GHR: variants seen among roughly 807,000 people sequenced by gnomAD.
The protein encoded by GHR is GH receptor.
A neutral mutation model predicts 67.1 loss-of-function variants in GHR; 35 were observed. The observed-to-expected ratio is 0.52, with a 90% CI of 0.40 to 0.69. The LOEUF is 0.69. Among genes scored for constraint, GHR ranks in the 30% least tolerant of loss-of-function variants. GHR has a pLI of 0.00. For missense variants in GHR, 792 were observed against 764.6 expected (o/e 1.04, Z -0.42); for synonymous variants, 272 against 269.1 (o/e 1.01, Z -0.10).
intron 5 of GHR, among the ~76,000 whole-genome samples, chr5:42,696,602 A>G (rs963229175): frequency 2.0e-5 from 3 of 152,194 alleles, no homozygotes; most frequent in African/African-American, 7.2e-5. Context: ...TAGTCCCAAC[A>G]TGTTCAGGGA....
At chr5:42,602,160 G>A (rs186684607) in intron 2 of GHR, among the ~76,000 whole-genome samples, 8 of 152,154 alleles carry the variant, frequency 5.3e-5, no homozygotes, top group African/African-American at 1.7e-4. Flanking sequence ...TATCTTTTGC[G>A]TGTATGTGTG....
intron 1 of GHR, among the ~76,000 whole-genome samples, chr5:42,471,092 C>T (rs536595225): frequency 5.9e-4 from 90 of 152,322 alleles, no homozygotes; most frequent in African/African-American, 2.1e-3. Flanking sequence ...CTGTCTTCAG[C>T]TGGGCCAGCA....
intron 2 of GHR, among the ~76,000 whole-genome samples, chr5:42,615,292 A>G (rs1308935500): frequency 3.3e-5 from 5 of 151,854 alleles, no homozygotes; most frequent in African/African-American, 1.2e-4. Flanking sequence ...TCTTCATGTT[A>G]CTAATTACAG....
At chr5:42,452,053 C>T (rs528804423) in intron 1 of GHR, among the ~76,000 whole-genome samples, 2 of 152,134 alleles carry the variant, frequency 1.3e-5, no homozygotes, top group Non-Finnish European at 2.9e-5. Flanking sequence ...GGTTTTGTTT[C>T]AAGATTTAGA....
At chr5:42,663,618 A>T (rs1755785402) in intron 3 of GHR, among the ~76,000 whole-genome samples, 1 of 152,222 alleles carries the variant, frequency 6.6e-6, no homozygotes, top group Non-Finnish European at 1.5e-5. Context: ...GCTATATATG[A>T]CAAACCCACA....
intron 1 of GHR, chr5:42,465,577 A>C: frequency 8.0e-7 from 1 of 1,247,112 alleles, no homozygotes; most frequent in Non-Finnish European, 1.2e-6. Context: ...AGTCACTGCA[A>C]TTATAAGATA....
At chr5:42,623,580 C>T (rs548095662) in intron 2 of GHR, among the ~76,000 whole-genome samples, 50 of 152,224 alleles carry the variant, frequency 3.3e-4, no homozygotes, top group South Asian at 6.2e-4. Context: ...CCACATTACC[C>T]TTTATCCCAA....
chr5:42,601,828 T>C (rs1017990546), intron 2 of GHR, among the ~76,000 whole-genome samples: 2 of 152,126 alleles, frequency 1.3e-5, no homozygotes, highest in African/African-American at 4.8e-5. Flanking sequence ...TTTCAATTCA[T>C]CTCATAAACA....
At chr5:42,570,072 G>A (rs71584707) in intron 2 of GHR, among the ~76,000 whole-genome samples, 49,052 of 151,986 alleles carry the variant, frequency 0.32, 9,741 homozygotes, top group African/African-American at 0.55. Context: ...CACCACAGTT[G>A]AGGTTCCACA....
At chr5:42,519,995 A>C (rs550732063) in intron 1 of GHR, among the ~76,000 whole-genome samples, 10 of 152,352 alleles carry the variant, frequency 6.6e-5, no homozygotes, top group Admixed American at 3.3e-4. Flanking sequence ...ATTGGTATGA[A>C]TGTTGTGAAT....
intron 2 of GHR, among the ~76,000 whole-genome samples, chr5:42,596,185 C>T (rs1347906361): frequency 6.6e-6 from 1 of 152,094 alleles, no homozygotes; most frequent in Non-Finnish European, 1.5e-5. Context: ...TTATTGGCTG[C>T]TGCTCACCAG....
chr5:42,670,641 C>T (rs1167261017), intron 3 of GHR, among the ~76,000 whole-genome samples: 2 of 151,564 alleles, frequency 1.3e-5, no homozygotes, highest in Non-Finnish European at 2.9e-5. Flanking sequence ...GGTTAATATT[C>T]CAAAAGGTAC....
At chr5:42,475,319 G>A (rs138067569) in intron 1 of GHR, among the ~76,000 whole-genome samples, 9 of 152,256 alleles carry the variant, frequency 5.9e-5, no homozygotes, top group African/African-American at 1.9e-4. Context: ...AGAGATTTGG[G>A]TTTATAACAG....
intron 2 of GHR, among the ~76,000 whole-genome samples, chr5:42,576,390 AT>A (rs1230456789): frequency 2.6e-5 from 4 of 152,056 alleles, no homozygotes; most frequent in Non-Finnish European, 5.9e-5. Flanking sequence ...ATTGGTAATA[AT>A]TATGTAAAAT....
At chr5:42,671,341 C>T (rs1346703125) in intron 3 of GHR, among the ~76,000 whole-genome samples, 1 of 151,958 alleles carries the variant, frequency 6.6e-6, no homozygotes, top group Non-Finnish European at 1.5e-5. Flanking sequence ...AATCAGGTCT[C>T]ACAAGTACTC....
At chr5:42,429,323 T>A (rs1378496612) in intron 1 of GHR, among the ~76,000 whole-genome samples, 1 of 152,162 alleles carries the variant, frequency 6.6e-6, no homozygotes, top group Non-Finnish European at 1.5e-5. Flanking sequence ...TTCAATGACC[T>A]CCCACTGGGT....
chr5:42,641,943 T>C (rs1292541748), intron 3 of GHR, among the ~76,000 whole-genome samples: 1 of 152,044 alleles, frequency 6.6e-6, no homozygotes, highest in Non-Finnish European at 1.5e-5. Flanking sequence ...ACCAAAGAGA[T>C]ATGCCTGGCT....
intron 2 of GHR, 108 bp from the exon 3 acceptor site, chr5:42,628,930 C>T: frequency 1.4e-6 from 1 of 699,468 alleles, no homozygotes; most frequent in East Asian, 2.7e-5. Context: ...AAGAAGGGGT[C>T]CATTCGGTTG....
At chr5:42,465,192 A>G (rs1428681041) in intron 1 of GHR, among the ~76,000 whole-genome samples, 1 of 152,240 alleles carries the variant, frequency 6.6e-6, no homozygotes, top group African/African-American at 2.4e-5. Context: ...AGAGTTGACA[A>G]GTAGAATAGC....
Sources: gnomAD v4.1 joint callset for allele counts (sites outside exome capture counted in the v4.1 genomes callset) on GRCh38, gnomAD v4.1.1 for gene constraint, MANE v1.5 for transcripts, NCBI Gene and HGNC (gene_info 2026-07-23, HGNC 2026-07-21) for gene names.